The following WWOX variants were observed in gnomAD, a reference collection of about 807,000 sequenced individuals.
The protein encoded by WWOX is WW domain containing oxidoreductase.
In WWOX, 69 loss-of-function variants were observed where a neutral mutation model predicts 46.2. That is an observed-to-expected ratio of 1.49 (90% CI 1.23 to 1.82). The LOEUF (loss-of-function observed/expected upper bound fraction) is 1.82, where lower values mean the gene tolerates loss of function less well. WWOX is among the 40% of genes most tolerant of loss of function. The pLI, the probability that WWOX is intolerant of heterozygous loss-of-function variation, is 0.00. For missense variants in WWOX, 919 were observed against 542.6 expected, an observed-to-expected ratio of 1.69 and a Z score of -6.89; for synonymous variants, 359 against 202.6, an observed-to-expected ratio of 1.77 and a Z score of -6.56.
chr16:79,185,583 C>T (rs1260816040), intron 8 of WWOX, among the ~76,000 whole-genome samples: 1 of 152,182 alleles, frequency 6.6e-6, no homozygotes, highest in African/African-American at 2.4e-5. Context: ...GATCTCATGT[C>T]AAAGACAGGC....
intron 8 of WWOX, chr16:78,890,638 C>T (rs1248088543): frequency 6.6e-6 from 1 of 152,218 alleles, no homozygotes; most frequent in Non-Finnish European, 1.5e-5. Context: ...GTGGTCTGCT[C>T]ACTCAGCCAG....
chr16:78,702,044 T>TAA lies in WWOX; in HGVS notation c.1056+269295_1056+269296dup, dbSNP rs1215807051. Among the ~76,000 whole-genome samples, 212 of 109,978 alleles carry TAA rather than the reference T, an allele frequency of 1.9e-3. 2 individuals are homozygous for TAA. The highest frequency in any genetic ancestry group is 6.0e-3 in the African/African-American group (156 of 26,076). The allele number at this position is 109,978 out of a possible 152,430, so 72.1% of individuals were successfully genotyped here. A position where few individuals can be genotyped will look rare whatever the true frequency, so the allele number is the denominator to read the frequency against. ...ATATATATATATATATATATATATA[T>TAA]AAAATAATGCAGAAGTTTTATATAT... On this transcript the variant is annotated intron_variant, in intron 8 of 8. Transcript: ENST00000566780.
At chr16:79,114,912 A>C (rs1355531225) in intron 8 of WWOX, among the ~76,000 whole-genome samples, 1 of 152,202 alleles carries the variant, frequency 6.6e-6, no homozygotes, top group African/African-American at 2.4e-5. Flanking sequence ...GATGACACAG[A>C]GGCAGGAGCC....
At chr16:79,003,590 A>C (rs964016584) in intron 8 of WWOX, among the ~76,000 whole-genome samples, 8 of 152,144 alleles carry the variant, frequency 5.3e-5, no homozygotes, top group African/African-American at 1.9e-4. Flanking sequence ...AGTTGGCAGG[A>C]GAGCTGGCCT....
Position 78,886,295 on chromosome 16 carries a change from A to G in WWOX, c.1057-325313A>G, listed in dbSNP as rs188057015. Among the ~76,000 whole-genome samples the G allele has an allele frequency of 2.6e-5, 4 of 151,754 alleles. No homozygotes were observed. The East Asian group carries it at 5.8e-4, about 22-fold the overall frequency. ...TGGTATTTTTTCTTTAAAAAAAAAA[A>G]GCATTTACTTTTTGCCTCATGAATC... On this transcript the variant is annotated intron_variant, in intron 8 of 8. Transcript: ENST00000566780.
Position 78,825,982 on chromosome 16 carries a change from G to A in WWOX, c.1057-385626G>A. Reference sequence around the variant, plus strand: ...GTGGGAAGCCAGAGCCGCCTGCTATGCCCCAGCCAGTCCCCATAGCATAAC... The same window carrying A: ...GTGGGAAGCCAGAGCCGCCTGCTATACCCCAGCCAGTCCCCATAGCATAAC... On this transcript the variant is annotated intron_variant, in intron 8 of 8. Coordinates refer to ENST00000566780, the MANE Select transcript of WWOX (RefSeq NM_016373.4). 6 of 757,030 alleles carry A rather than the reference G, an allele frequency of 7.9e-6. No individual in the cohort carries two copies. In the South Asian group the frequency reaches 1.4e-4, roughly 18 times the overall value. 46.9% of individuals were successfully genotyped at this position (757,030 alleles called of 1,614,324 possible). A position where few individuals can be genotyped will look rare whatever the true frequency, so the allele number is the denominator to read the frequency against.
chr16:79,114,310 CT>C (rs1402509854), intron 8 of WWOX, among the ~76,000 whole-genome samples: 28 of 151,870 alleles, frequency 1.8e-4, no homozygotes, highest in Non-Finnish European at 3.8e-4. Context: ...AAGATGGAGC[CT>C]CAATCCAGTG....
chr16:78,410,876 A>C (rs1050705483), intron 6 of WWOX, among the ~76,000 whole-genome samples: 5 of 151,962 alleles, frequency 3.3e-5, no homozygotes, highest in East Asian at 1.9e-4. Flanking sequence ...GAAAGGACCT[A>C]ACATCATGCA....
At chr16:78,785,854 A>G (rs1048365526) in intron 8 of WWOX, among the ~76,000 whole-genome samples, 6 of 151,918 alleles carry the variant, frequency 3.9e-5, no homozygotes, top group Non-Finnish European at 7.4e-5. Context: ...GCTACTCATA[A>G]TGTAGCATCT....
At chr16:79,100,998 G>A (rs7202200) in intron 8 of WWOX, 2 of 152,626 alleles carry the variant, frequency 1.3e-5, no homozygotes, top group Non-Finnish European at 2.9e-5. Context: ...GGGCAGGGGG[G>A]TGTGAATGGG....
At chr16:78,763,255 A>T (rs2049838489) in intron 8 of WWOX, among the ~76,000 whole-genome samples, 2 of 152,248 alleles carry the variant, frequency 1.3e-5, no homozygotes, top group Non-Finnish European at 2.9e-5. Flanking sequence ...CTTTACCTGC[A>T]TCCTGCAAAT....
intron 8 of WWOX, among the ~76,000 whole-genome samples, chr16:78,767,898 G>A (rs1249982629): frequency 6.6e-6 from 1 of 151,972 alleles, no homozygotes; most frequent in Non-Finnish European, 1.5e-5. Context: ...TGGCTTTTTG[G>A]TTCTATTTTT....
chr16:78,799,262 C>T (rs576378062), intron 8 of WWOX, among the ~76,000 whole-genome samples: 4 of 152,220 alleles, frequency 2.6e-5, no homozygotes, highest in Admixed American at 1.3e-4. Flanking sequence ...GTCTCTTTAA[C>T]GGAGAGTTCA....
At chr16:78,659,662 G>A (rs953252754) in intron 8 of WWOX, among the ~76,000 whole-genome samples, 7 of 152,164 alleles carry the variant, frequency 4.6e-5, no homozygotes, top group African/African-American at 1.7e-4. Flanking sequence ...CAGGAGAGTT[G>A]TGTTTACTTT....
rs563968811 is a variant in WWOX, at chr16:78,477,105, C to T, written c.1056+44353C>T. Among the ~76,000 whole-genome samples the T allele has an allele frequency of 1.3e-4, 20 of 152,268 alleles. 1 individual carries two copies. Among genetic ancestry groups the T allele is most frequent in the Admixed American group, 4.6e-4 (7 of 15,292 alleles). ...TCAAAAGCATAAGAGCCCTTGAAAG[C>T]AATATCTAAGCATAGATATTCCATA... On this transcript the variant is annotated intron_variant, in intron 8 of 8. Coordinates refer to ENST00000566780, the MANE Select transcript of WWOX (RefSeq NM_016373.4).
At chr16:78,749,421 A>G (rs1337762976) in intron 8 of WWOX, among the ~76,000 whole-genome samples, 1 of 152,234 alleles carries the variant, frequency 6.6e-6, no homozygotes, top group African/African-American at 2.4e-5. Flanking sequence ...ATAGTTTAAA[A>G]GAGAGAAAGA....
intron 6 of WWOX, among the ~76,000 whole-genome samples, chr16:78,400,235 A>G (rs1207590611): frequency 2.0e-5 from 3 of 152,152 alleles, no homozygotes; most frequent in Admixed American, 6.5e-5. Context: ...CAGGAGGAAA[A>G]GGTCTCTGTT....
chr16:79,062,909 T>A (rs1044336566), intron 8 of WWOX, among the ~76,000 whole-genome samples: 2 of 152,274 alleles, frequency 1.3e-5, no homozygotes, highest in East Asian at 3.9e-4. Flanking sequence ...AAAAATAAAT[T>A]TCTGGCTGTC....
At chr16:78,938,135 C>T (rs1042296784) in intron 8 of WWOX, among the ~76,000 whole-genome samples, 2 of 152,178 alleles carry the variant, frequency 1.3e-5, no homozygotes, top group African/African-American at 4.8e-5. Flanking sequence ...ACATCTGGCG[C>T]TGAATGTCAG....
Sources: gnomAD v4.1 joint callset for allele counts (sites outside exome capture counted in the v4.1 genomes callset) on GRCh38, gnomAD v4.1.1 for gene constraint, MANE v1.5 for transcripts, NCBI Gene and HGNC (gene_info 2026-07-23, HGNC 2026-07-21) for gene names.